Variants in VIPAS39 observed in about 807,000 individuals in gnomAD.
The protein encoded by VIPAS39 is VPS33B interacting protein, apical-basolateral polarity regulator, spe-39 homolog, also known as spermatogenesis-defective protein 39 homolog.
In VIPAS39, 63 loss-of-function variants were observed where a neutral mutation model predicts 84.7. The observed-to-expected ratio is 0.74, with a 90% CI of 0.61 to 0.92. The LOEUF (loss-of-function observed/expected upper bound fraction) is 0.92. VIPAS39 is among the 40% of genes least tolerant of loss of function. VIPAS39 has a pLI of 0.00. For missense variants in VIPAS39, 499 were observed against 604.5 expected, an observed-to-expected ratio of 0.83 and a Z score of 1.83; for synonymous variants, 192 against 216.5, an observed-to-expected ratio of 0.89 and a Z score of 0.99.
In VIPAS39 at chr14:77,431,494, A is replaced by T. The variant is rs75073224; in HGVS notation, c.1180-1727T>A. On this transcript the variant is annotated intron_variant, in intron 16 of 19. Coordinates refer to ENST00000557658, the MANE Select transcript of VIPAS39 (RefSeq NM_001193315.2). ...AATAAGATATCACCTCACACCTGTT[A>T]AGATGACTGTTATCAAAAAGACAAA... Among the ~76,000 whole-genome samples the T allele has an allele frequency of 6.5e-3, 983 of 152,276 alleles. 11 individuals carry two copies. Among genetic ancestry groups the T allele is most frequent in the African/African-American group, 0.022 (934 of 41,558 alleles).
At position 77,453,385 on chromosome 14, in the gene VIPAS39, C is replaced by T. The variant is rs537717904; in HGVS notation, c.110G>A (p.Arg37Gln). Reference protein sequence around the residue: ...DELSQLKESKRAVNSLRDFVD... With the variant: ...DELSQLKESKQAVNSLRDFVD... The stretch of plus-strand genomic sequence containing the variant: ...GAAGTCTCGGAGGCTGTTCACCGCC[C>T]GCTTGGACTCCTTTAACTGCAGAGG... Residue 37 changes from arginine to glutamine, a missense_variant, in exon 3 of 20, where the codon CGG (arginine) becomes CAG (glutamine). By Grantham distance (43) the Arg-to-Gln change is conservative. Coordinates refer to ENST00000557658, the MANE Select transcript of VIPAS39 (RefSeq NM_001193315.2). The T allele has an allele frequency of 1.4e-4, 218 of 1,614,078 alleles. 4 individuals are homozygous for T. The South Asian group carries it at 2.3e-3, about 17-fold the overall frequency.
chr14:77,437,862 T>C lies in VIPAS39; in HGVS notation c.782A>G (p.His261Arg), dbSNP rs1258202273. 6.2e-7 allele frequency: 1 copy of C among 1,614,192 alleles called. No individual in the cohort carries two copies. Among genetic ancestry groups the C allele is most frequent in the Non-Finnish European group, 8.5e-7 (1 of 1,180,024 alleles). Reference protein sequence around the residue: ...EELALSHYREHLNIQDPDKRK... With the variant: ...EELALSHYRERLNIQDPDKRK... The stretch of plus-strand genomic sequence containing the variant: ...TTTGTCAGGGTCCTGAATGTTCAAA[T>C]GCTCTCGATAATGAGATAGCTACAA... Residue 261 changes from histidine to arginine, a missense_variant, in exon 12 of 20, where the codon CAT becomes CGT. Coordinates refer to ENST00000557658, the MANE Select transcript of VIPAS39 (RefSeq NM_001193315.2).
intron 16 of VIPAS39, among the ~76,000 whole-genome samples, chr14:77,430,110 T>C (rs2078497595): frequency 6.6e-6 from 1 of 152,216 alleles, no homozygotes; most frequent in Non-Finnish European, 1.5e-5. Context: ...CAGATGTTTA[T>C]TTGCAAATTC....
intron 2 of VIPAS39, 42 bp downstream of exon 2, chr14:77,453,968 T>G: frequency 6.3e-7 from 1 of 1,593,080 alleles, no homozygotes; most frequent in Non-Finnish European, 8.6e-7. Context: ...AATTTTATAG[T>G]GGCACTGTGG....
chr14:77,445,375 C>T (rs115223038), intron 7 of VIPAS39, among the ~76,000 whole-genome samples: 4,478 of 152,174 alleles, frequency 0.029, 214 homozygotes, highest in African/African-American at 0.1. Flanking sequence ...AACTCTTGTG[C>T]CAATTTTTTT....
chr14:77,429,559 G>T, intron 17 of VIPAS39, 122 bp downstream of exon 17: 1 of 1,008,882 alleles, frequency 9.9e-7, no homozygotes, highest in Non-Finnish European at 1.6e-6. Context: ...GCCTATTGCA[G>T]CCATTGTGCT....
intron 9 of VIPAS39, among the ~76,000 whole-genome samples, 173 bp from the exon 10 acceptor site, chr14:77,442,835 T>A (rs1163505112): frequency 6.6e-6 from 1 of 152,182 alleles, no homozygotes; most frequent in Non-Finnish European, 1.5e-5. Flanking sequence ...TCATAGCCAT[T>A]AAATCAGCTT....
chr14:77,428,918 T>A, intron 18 of VIPAS39, 88 bp downstream of exon 18: 1 of 1,266,920 alleles, frequency 7.9e-7, no homozygotes, highest in Non-Finnish European at 1.2e-6. Context: ...TGGGAGCACC[T>A]CAGGATCTTG....
intron 7 of VIPAS39, among the ~76,000 whole-genome samples, chr14:77,447,957 C>T (rs905767862): frequency 4.9e-5 from 7 of 142,176 alleles, no homozygotes; most frequent in South Asian, 2.2e-4. Flanking sequence ...CCACCATGCC[C>T]GGCTTCTCTT....
intron 3 of VIPAS39, 130 bp downstream of exon 3, chr14:77,453,169 G>A (rs2078908701): frequency 9.2e-6 from 9 of 981,138 alleles, no homozygotes; most frequent in Non-Finnish European, 1.5e-5. Flanking sequence ...GTTTCCAGAT[G>A]TATGCTTATC....
intron 18 of VIPAS39, 91 bp downstream of exon 18, chr14:77,428,915 A>C: frequency 8.5e-7 from 1 of 1,177,016 alleles, no homozygotes; most frequent in Non-Finnish European, 1.3e-6. Flanking sequence ...TGGTGGGAGC[A>C]CCTCAGGATC....
chr14:77,428,935 G>C, intron 18 of VIPAS39, 71 bp downstream of exon 18: 1 of 1,387,026 alleles, frequency 7.2e-7, no homozygotes, highest in Non-Finnish European at 1.0e-6. Flanking sequence ...CTTGGACAGA[G>C]AATATTATAA....
chr14:77,433,213 T>C (rs2078551168), intron 16 of VIPAS39, among the ~76,000 whole-genome samples: 1 of 152,178 alleles, frequency 6.6e-6, no homozygotes, highest in South Asian at 2.1e-4. Flanking sequence ...TGCTTCTTTT[T>C]TTTTGAGACA....
Position 77,427,577 on chromosome 14 carries a change from A to G in VIPAS39, c.*39T>C, listed in dbSNP as rs781724679. On this transcript the variant is annotated 3_prime_UTR_variant, in exon 20 of 20. Coordinates refer to ENST00000557658, the MANE Select transcript of VIPAS39 (RefSeq NM_001193315.2). ...CTCTCTCTGCTTTCACAGGCAGGAGAGGAGGAAATGAGGCAGGCTTCAAGG... is the reference window on the plus strand; with the variant it reads ...CTCTCTCTGCTTTCACAGGCAGGAGGGGAGGAAATGAGGCAGGCTTCAAGG... The G allele has an allele frequency of 1.9e-6, 3 of 1,613,828 alleles. No individual in the cohort carries two copies. The highest frequency in any genetic ancestry group is 2.5e-6 in the Non-Finnish European group (3 of 1,179,734).
At chr14:77,441,846 C>T (rs775305394) in intron 10 of VIPAS39, among the ~76,000 whole-genome samples, 9 of 152,196 alleles carry the variant, frequency 5.9e-5, no homozygotes, top group Admixed American at 2.0e-4. Context: ...GAAGAAAAGA[C>T]ATCATGTGCA....
At chr14:77,435,067 A>G in intron 14 of VIPAS39, 192 bp downstream of exon 14, 1 of 760,872 alleles carries the variant, frequency 1.3e-6, no homozygotes, top group Non-Finnish European at 2.1e-6. Flanking sequence ...GAAGCTACAA[A>G]CCTTACAAAC....
At position 77,429,705 on chromosome 14, in the gene VIPAS39, C is replaced by T. The variant is rs45447095; in HGVS notation, c.1242G>A (p.Leu414=). ...CCTGCACAGGGGCATTGTTCTTGTGCAAAATTTCGACAACCCGATGGAAGC... is the reference window on the plus strand; with the variant it reads ...CCTGCACAGGGGCATTGTTCTTGTGTAAAATTTCGACAACCCGATGGAAGC... ...PIGFHRVVEI[L]HKNNAPVQIL... Residue 414 remains leucine (L), a synonymous_variant, in exon 17 of 20, where the codon TTG becomes TTA. Transcript: ENST00000557658. 11,262 of 1,614,160 alleles carry T rather than the reference C, an allele frequency of 7.0e-3. 64 individuals carry two copies. Among genetic ancestry groups the T allele is most frequent in the Non-Finnish European group, 8.1e-3 (9,579 of 1,180,004 alleles).
Position 77,427,139 on chromosome 14 carries a change from C to T in VIPAS39, c.*477G>A, listed in dbSNP as rs189471916. On this transcript the variant is annotated 3_prime_UTR_variant, in exon 20 of 20. Coordinates refer to ENST00000557658, the MANE Select transcript of VIPAS39 (RefSeq NM_001193315.2). ...GTGCAGTCTGGTGTGAGTGCATCTC[C>T]AGGAGGTCTTGGGAAACACTGGCAT... 5 of 191,134 alleles carry T rather than the reference C, an allele frequency of 2.6e-5. No individual in the cohort carries two copies. In the South Asian group the frequency reaches 4.3e-4, roughly 16 times the overall value. 11.8% of individuals were successfully genotyped at this position (191,134 alleles called of 1,614,324 possible). A position where few individuals can be genotyped will look rare whatever the true frequency, so the allele number is the denominator to read the frequency against.
intron 1 of VIPAS39, chr14:77,456,961 C>T: frequency 1.6e-6 from 1 of 609,638 alleles, no homozygotes; most frequent in South Asian, 3.1e-5. Flanking sequence ...TTTATCGTCT[C>T]TTGTTTACTG....
Sources: allele counts gnomAD v4.1 joint callset (sites outside exome capture counted in the v4.1 genomes callset), GRCh38; gene constraint gnomAD v4.1.1; transcripts MANE v1.5; gene names NCBI Gene and HGNC (gene_info 2026-07-23, HGNC 2026-07-21).